The following ZNF467 variants were observed in gnomAD, a reference collection of about 807,000 sequenced individuals.
ZNF467 encodes zinc finger protein EZI.
Under a neutral mutation model 47.8 loss-of-function variants are expected in ZNF467, and 51 were observed. That is an observed-to-expected ratio of 1.07 (90% CI 0.85 to 1.35). ZNF467 has a LOEUF of 1.35. Among genes scored for constraint, ZNF467 ranks in the 40% most tolerant of loss-of-function variants. The probability of loss-of-function intolerance (pLI) is 0.00; values close to 1 mark genes in which losing one functional copy is unlikely to be tolerated. For synonymous variants in ZNF467, 416 were observed against 372.9 expected (o/e 1.12, Z -1.33); for missense variants, 992 against 858.1 (o/e 1.16, Z -1.95).
At chr7:149,776,106 C>T, upstream of ZNF467, 1 of 1,360,776 alleles carries the variant, frequency 7.3e-7, no homozygotes, top group Non-Finnish European at 9.8e-7. Flanking sequence ...GCAGCCCACC[C>T]TGGACCCCTC....
At chr7:149,772,355 G>C (rs1799447841) in intron 1 of ZNF467, among the ~76,000 whole-genome samples, 1 of 34,176 alleles carries the variant, frequency 2.9e-5, no homozygotes, top group Admixed American at 3.2e-4. Context: ...TTCCCTCCCC[G>C]TCCCCAGTCC....
intron 4 of ZNF467, among the ~76,000 whole-genome samples, chr7:149,767,190 G>A (rs1041703052): frequency 2.0e-5 from 3 of 152,256 alleles, no homozygotes; most frequent in Non-Finnish European, 4.4e-5. Flanking sequence ...AGTCCGCTAA[G>A]AAAATTTGCC....
upstream of ZNF467, among the ~76,000 whole-genome samples, chr7:149,774,629 G>A (rs113475801): frequency 0.025 from 3,838 of 152,272 alleles, 86 homozygotes; most frequent in Non-Finnish European, 0.036. The surrounding 1 kb of genome is among the most constrained non-coding windows in gnomAD (Gnocchi z 5.7). Context: ...GGAGCACCTG[G>A]AGTAGCATGT....
At position 149,765,574 on chromosome 7, in the gene ZNF467, T is replaced by A; in HGVS notation, c.928A>T (p.Thr310Ser). 1 of 1,591,694 alleles carries A rather than the reference T, an allele frequency of 6.3e-7. No homozygotes were observed. The highest frequency in any genetic ancestry group is 8.6e-7 in the Non-Finnish European group (1 of 1,169,028). Residue 310 changes from threonine to serine, a missense_variant, in exon 5 of 5, where the codon ACG becomes TCG. By Grantham distance (58) the Thr-to-Ser change is moderately conservative. Transcript: ENST00000302017. ...TGCCGCACCAAGTGCTGCTTGTGCG[T>A]GAAGCTGCGTGCGCACTGTGCGCAC... ...YQCAQCARSFTHKQHLVRHQR... is the reference protein window; with the variant it reads ...YQCAQCARSFSHKQHLVRHQR...
At chr7:149,766,856 G>C (rs146272831) in intron 4 of ZNF467, among the ~76,000 whole-genome samples, 1 of 152,178 alleles carries the variant, frequency 6.6e-6, no homozygotes, top group Non-Finnish European at 1.5e-5. Flanking sequence ...GGGTACCCAC[G>C]TATTCCTGCT....
At position 149,765,104 on chromosome 7, in the gene ZNF467, G is replaced by A. The variant is rs1228480567; in HGVS notation, c.1398C>T (p.Arg466=). The change falls in exon 5 of 5, where the codon CGC becomes CGT. Residue 466 remains arginine (R), a synonymous_variant. Coordinates refer to ENST00000302017, the MANE Select transcript of ZNF467 (RefSeq NM_207336.3). The part of the protein sequence containing the change: ...ERPFACTQCD[R]RFGSRPNLVA... ...CCAGATTAGGCCGCGAGCCGAAGCG[G>A]CGGTCACACTGCGTGCAGGCGAAGG... The A allele has an allele frequency of 6.8e-7, 1 of 1,468,316 alleles. No homozygotes were observed. The highest frequency in any genetic ancestry group is 9.0e-7 in the Non-Finnish European group (1 of 1,113,876). 91.0% of individuals were successfully genotyped at this position (1,468,316 alleles called of 1,614,324 possible).
chr7:149,773,656 C>T (rs943543042), upstream of ZNF467, among the ~76,000 whole-genome samples: 1 of 31,618 alleles, frequency 3.2e-5, no homozygotes, highest in Non-Finnish European at 6.4e-5. Context: ...GGGGGGGTGG[C>T]GGGGAGGAGT....
At position 149,773,340 on chromosome 7, in the gene ZNF467, G is replaced by A. The variant is rs980076628; in HGVS notation, c.-275C>T. 1.3e-5 allele frequency: 2 copies of A among 151,592 alleles called. No homozygotes were observed. The highest frequency in any genetic ancestry group is 1.5e-5 in the Non-Finnish European group (1 of 68,012). The allele number at this position is 151,592 out of a possible 1,614,324, so 9.4% of individuals were successfully genotyped here. On this transcript the variant is annotated 5_prime_UTR_variant, in exon 1 of 5. Coordinates refer to ENST00000302017, the MANE Select transcript of ZNF467 (RefSeq NM_207336.3). ...AGGAGGGACCGAGGGAGCGGGCGGA[G>A]AGCCCCGGCGCACCGGGCTGGGGGA...
rs2117376796 is a variant in ZNF467, at chr7:149,764,777, G to C, written c.1725C>G (p.Ala575=). The part of the protein sequence containing the change: ...HGEAAHAAPD[A]ALAAPAWSAP... ...CGGACCAGGCTGGGGCCGCAAGGGCGGCGTCCGGGGCCGCGTGGGCGGCTT... is the reference window on the plus strand; with the variant it reads ...CGGACCAGGCTGGGGCCGCAAGGGCCGCGTCCGGGGCCGCGTGGGCGGCTT... The change falls in exon 5 of 5, where the codon GCC becomes GCG. Residue 575 remains alanine, a synonymous_variant. Transcript: ENST00000302017. 2 of 1,521,540 alleles carry C rather than the reference G, an allele frequency of 1.3e-6. No homozygotes were observed. Among genetic ancestry groups the C allele is most frequent in the Admixed American group, 2.2e-5 (1 of 45,942 alleles). The allele number at this position is 1,521,540 out of a possible 1,614,324, so 94.3% of individuals were successfully genotyped here.
chr7:149,766,132 C>T lies in ZNF467; in HGVS notation c.370G>A (p.Ala124Thr). The T allele has an allele frequency of 1.2e-6, 2 of 1,604,258 alleles. No individual in the cohort carries two copies. The highest frequency in any genetic ancestry group is 1.7e-6 in the Non-Finnish European group (2 of 1,173,602). Residue 124 changes from alanine (A) to threonine (T), a missense_variant, in exon 5 of 5, where the codon GCG (alanine) becomes ACG (threonine). Transcript: ENST00000302017. ...HLSLLPSPFPAPDLGHLAAAY... is the reference protein window; with the variant it reads ...HLSLLPSPFPTPDLGHLAAAY... ...GCAGCCAGATGCCCCAGGTCAGGCG[C>T]GGGAAAGGGGCTGGGAAGTAACGAT...
rs866350731 is a variant in ZNF467 at position 149,769,605 on chromosome 7, C to A, written c.152-405G>T. ...GAGAATCAGGATGTCAAAAGCCAGG[C>A]ACATTCCTGCCTTAGTGCTCTGTCC... On this transcript the variant is annotated intron_variant, in intron 3 of 4. Coordinates refer to ENST00000302017, the MANE Select transcript of ZNF467 (RefSeq NM_207336.3). The surrounding 1 kb of genome is among the most constrained non-coding windows in gnomAD (Gnocchi z 5.3). 2.0e-5 allele frequency among the ~76,000 whole-genome samples: 3 copies of A among 152,234 alleles called. No individual in the cohort carries two copies. The highest frequency in any genetic ancestry group is 6.3e-3 in the Middle Eastern group (2 of 316).
At chr7:149,770,349 A>C in intron 3 of ZNF467, 91 bp downstream of exon 3, 1 of 591,684 alleles carries the variant, frequency 1.7e-6, no homozygotes, top group Non-Finnish European at 2.7e-6. Context: ...GGAGGGAGGG[A>C]GGGGGGAGGG....
chr7:149,776,249 T>C, upstream of ZNF467: 1 of 1,174,000 alleles, frequency 8.5e-7, no homozygotes, highest in Non-Finnish European at 1.1e-6. Flanking sequence ...AGCATCCTCC[T>C]TACTTCAATA....
chr7:149,768,982 G>C (rs2117436962), intron 4 of ZNF467, 108 bp downstream of exon 4: 1 of 963,696 alleles, frequency 1.0e-6, no homozygotes, highest in East Asian at 2.7e-5. Flanking sequence ...GGCCTGGACT[G>C]CCTGTCTTGG....
rs751936470 is a variant in ZNF467 at position 149,771,022 on chromosome 7, GTCTCTC to G, written c.5_10del (p.Arg2_Glu3del). On this transcript the variant is annotated inframe_deletion, in exon 2 of 5. Transcript: ENST00000302017. Reference sequence around the variant, plus strand: ...ACCCAGGGAGCTGAGGGCCTCCAAGGTCTCTCTCATGGTAACCCAGAGTAGCTCCTC... The same window carrying G: ...ACCCAGGGAGCTGAGGGCCTCCAAGGTCATGGTAACCCAGAGTAGCTCCTC... 1.7e-5 allele frequency: 28 copies of G among 1,613,924 alleles called. No individual in the cohort carries two copies. In the Middle Eastern group the frequency reaches 6.6e-4, roughly 38 times the overall value.
In ZNF467 at chr7:149,766,181, C is replaced by T. The variant is rs750122380; in HGVS notation, c.321G>A (p.Glu107=). The T allele has an allele frequency of 3.2e-6, 5 of 1,554,454 alleles. No individual in the cohort carries two copies. The highest frequency in any genetic ancestry group is 1.2e-5 in the South Asian group (1 of 83,688). The change falls in exon 5 of 5, where the codon GAG becomes GAA. Residue 107 remains glutamate, a synonymous_variant. Transcript: ENST00000302017. ...ATAGATGCTGGGGCCATTCGACCTC[C>T]TCTTCTGCCTCCTGATCTTCGTCCT... ...KVEDEDQEAE[E]EVEWPQHLSL...
chr7:149,772,777 C>T (rs1289807676), intron 1 of ZNF467, among the ~76,000 whole-genome samples: 1 of 143,190 alleles, frequency 7.0e-6, no homozygotes, highest in Non-Finnish European at 1.5e-5. Flanking sequence ...CCCCTTCCCC[C>T]TCGGCCCCCT....
chr7:149,765,192 C>T lies in ZNF467; in HGVS notation c.1310G>A (p.Gly437Glu). Residue 437 changes from glycine (G) to glutamate (E), a missense_variant, in exon 5 of 5, where the codon GGG becomes GAG. Gly to Glu is a moderately conservative substitution (Grantham distance 98, BLOSUM62 -2). Transcript: ENST00000302017. ...GTGCTGCCCATGGGAGAAGCCGCGCCCGCAGTCCGGGCAGAAGAAGGACCG... is the reference window on the plus strand; with the variant it reads ...GTGCTGCCCATGGGAGAAGCCGCGCTCGCAGTCCGGGCAGAAGAAGGACCG... ...GERSFFCPDCGRGFSHGQHLA... is the reference protein window; with the variant it reads ...GERSFFCPDCERGFSHGQHLA... The T allele has an allele frequency of 1.3e-6, 2 of 1,505,694 alleles. No individual in the cohort carries two copies. Among genetic ancestry groups the T allele is most frequent in the South Asian group, 1.2e-5 (1 of 81,740 alleles). 93.3% of individuals were successfully genotyped at this position (1,505,694 alleles called of 1,614,324 possible).
rs1439743348 is a variant in ZNF467, at chr7:149,765,773, G to A, written c.729C>T (p.Pro243=). 6 of 1,612,284 alleles carry A rather than the reference G, an allele frequency of 3.7e-6. No individual in the cohort carries two copies. In the Admixed American group the frequency reaches 8.4e-5, roughly 22 times the overall value. The change falls in exon 5 of 5, where the codon CCC becomes CCT. Residue 243 remains proline, a synonymous_variant. Coordinates refer to ENST00000302017, the MANE Select transcript of ZNF467 (RefSeq NM_207336.3). ...RHLRTHTGER[P]YPCAECGKRF... ...GCTTGCCGCACTCCGCGCACGGGTA[G>A]GGCCGCTCGCCCGTGTGCGTGCGCA... is the stretch of plus-strand genomic sequence containing the variant.
Sources: allele counts gnomAD v4.1 joint callset (sites outside exome capture counted in the v4.1 genomes callset), GRCh38; gene constraint gnomAD v4.1.1; non-coding constraint Gnocchi (gnomAD v3.1); transcripts MANE v1.5; gene names NCBI Gene and HGNC (gene_info 2026-07-23, HGNC 2026-07-21).